The following LRRC4C variants were observed in gnomAD, a reference collection of about 807,000 sequenced individuals.
LRRC4C encodes the protein leucine-rich repeat-containing protein 4C.
LRRC4C carries 5 observed loss-of-function variants against 33.6 expected under a neutral mutation model. The observed-to-expected ratio is 0.15, with a 90% CI of 0.08 to 0.31. LRRC4C has a LOEUF of 0.31. LRRC4C is among the 10% of genes least tolerant of loss of function. The probability of loss-of-function intolerance (pLI) is 1.00; values close to 1 mark genes in which losing one functional copy is unlikely to be tolerated. For missense variants in LRRC4C, 560 were observed against 796.7 expected (o/e 0.70, Z 3.58); for synonymous variants, 329 against 302.0 (o/e 1.09, Z -0.93).
intron 1 of LRRC4C, among the ~76,000 whole-genome samples, chr11:40,938,099 C>T (rs542800619): frequency 6.6e-6 from 1 of 152,268 alleles, no homozygotes; most frequent in East Asian, 1.9e-4. Context: ...TGCTTGAAGT[C>T]ATTTAAAAAG....
At chr11:40,697,283 G>GC (rs748144993) in intron 2 of LRRC4C, among the ~76,000 whole-genome samples, 25 of 152,080 alleles carry the variant, frequency 1.6e-4, no homozygotes, top group Non-Finnish European at 2.9e-4. Context: ...TTCACCGAAA[G>GC]CCTCATGAAA....
chr11:40,751,297 G>A (rs1287180292), intron 2 of LRRC4C, among the ~76,000 whole-genome samples: 1 of 152,076 alleles, frequency 6.6e-6, no homozygotes, highest in Non-Finnish European at 1.5e-5. Flanking sequence ...GAAACAGAAA[G>A]CATCCAAATT....
intron 4 of LRRC4C, among the ~76,000 whole-genome samples, chr11:40,256,510 C>G (rs1867215131): frequency 6.6e-6 from 1 of 152,126 alleles, no homozygotes; most frequent in South Asian, 2.1e-4. Flanking sequence ...CAGTATGTAA[C>G]TGTGCCCAGA....
intron 3 of LRRC4C, among the ~76,000 whole-genome samples, chr11:40,639,606 A>G (rs1248959304): frequency 1.1e-4 from 17 of 152,216 alleles, no homozygotes; most frequent in Admixed American, 1.1e-3. Flanking sequence ...ACTCTCTGTA[A>G]TAGATGCATG....
At chr11:41,346,223 T>C (rs1021901140) in intron 1 of LRRC4C, among the ~76,000 whole-genome samples, 2 of 152,106 alleles carry the variant, frequency 1.3e-5, no homozygotes, top group Non-Finnish European at 2.9e-5. Context: ...ATATTTAAAG[T>C]GATGTAGAAG....
intron 2 of LRRC4C, among the ~76,000 whole-genome samples, chr11:40,911,005 G>T (rs944422660): frequency 6.6e-6 from 1 of 152,192 alleles, no homozygotes. Flanking sequence ...GGGGAGGGGC[G>T]CCTGCCATTG....
At chr11:41,450,296 T>G (rs1186892192) in intron 1 of LRRC4C, among the ~76,000 whole-genome samples, 5 of 152,136 alleles carry the variant, frequency 3.3e-5, no homozygotes, top group Non-Finnish European at 7.3e-5. Context: ...CTCTGTTTTC[T>G]AAGCTCTCTG....
intron 5 of LRRC4C, among the ~76,000 whole-genome samples, chr11:40,180,135 G>A (rs986491595): frequency 6.6e-5 from 10 of 152,262 alleles, no homozygotes; most frequent in Non-Finnish European, 1.5e-4. Context: ...AAGATCATTT[G>A]CATTTTAAAA....
chr11:40,215,337 C>A (rs1031465038), intron 5 of LRRC4C, among the ~76,000 whole-genome samples: 1 of 152,090 alleles, frequency 6.6e-6, no homozygotes, highest in Non-Finnish European at 1.5e-5. Context: ...GTTTCCTGAA[C>A]GCTGTTCAGT....
At chr11:40,903,199 T>C (rs1241224721) in intron 2 of LRRC4C, among the ~76,000 whole-genome samples, 1 of 152,178 alleles carries the variant, frequency 6.6e-6, no homozygotes, top group Non-Finnish European at 1.5e-5. Context: ...AGAATGATGC[T>C]AAATCTACTC....
intron 1 of LRRC4C, among the ~76,000 whole-genome samples, chr11:41,449,921 C>T (rs1322183257): frequency 6.6e-6 from 1 of 152,116 alleles, no homozygotes; most frequent in Non-Finnish European, 1.5e-5. Flanking sequence ...TATGAAACTA[C>T]CTGGCAAATT....
chr11:40,249,164 C>A (rs1866575073), intron 4 of LRRC4C, among the ~76,000 whole-genome samples: 1 of 151,976 alleles, frequency 6.6e-6, no homozygotes, highest in South Asian at 2.1e-4. Context: ...ATGGTGAAAC[C>A]CCATCTCTAC....
At chr11:40,800,402 T>C (rs1307487299) in intron 2 of LRRC4C, among the ~76,000 whole-genome samples, 1 of 152,192 alleles carries the variant, frequency 6.6e-6, no homozygotes, top group Non-Finnish European at 1.5e-5. Context: ...GATGATATAA[T>C]ACACTCTTCA....
chr11:40,787,313 A>T (rs1950452532), intron 2 of LRRC4C, among the ~76,000 whole-genome samples: 3 of 152,150 alleles, frequency 2.0e-5, no homozygotes, highest in South Asian at 4.1e-4. Context: ...AAGGGATCTG[A>T]CTAGTCTCAC....
intron 5 of LRRC4C, among the ~76,000 whole-genome samples, chr11:40,164,614 A>G (rs1253255397): frequency 6.6e-6 from 1 of 152,218 alleles, no homozygotes; most frequent in African/African-American, 2.4e-5. Flanking sequence ...AGAAAGACAA[A>G]TATTCCATGT....
At chr11:41,288,463 A>G (rs921952719) in intron 1 of LRRC4C, among the ~76,000 whole-genome samples, 2 of 152,206 alleles carry the variant, frequency 1.3e-5, no homozygotes, top group Non-Finnish European at 2.9e-5. Context: ...AGTTCAGCAG[A>G]GAGTGTCACT....
At chr11:40,457,646 G>T (rs1249234962) in intron 3 of LRRC4C, among the ~76,000 whole-genome samples, 1 of 152,046 alleles carries the variant, frequency 6.6e-6, no homozygotes, top group Non-Finnish European at 1.5e-5. Flanking sequence ...TTTAATAGCT[G>T]CCAGAGAATC....
intron 4 of LRRC4C, among the ~76,000 whole-genome samples, chr11:40,254,174 A>T (rs537927231): frequency 6.6e-6 from 1 of 152,324 alleles, no homozygotes; most frequent in Non-Finnish European, 1.5e-5. Context: ...AAAGCTCCAA[A>T]CTACCAGCAA....
chr11:40,900,648 G>A (rs1956159765), intron 2 of LRRC4C, among the ~76,000 whole-genome samples: 1 of 151,336 alleles, frequency 6.6e-6, no homozygotes, highest in Non-Finnish European at 1.5e-5. Context: ...AAATATTTTG[G>A]AAGAACTATA....
Sources: gnomAD v4.1 joint callset for allele counts (sites outside exome capture counted in the v4.1 genomes callset) on GRCh38, gnomAD v4.1.1 for gene constraint, MANE v1.5 for transcripts, NCBI Gene and HGNC (gene_info 2026-07-23, HGNC 2026-07-21) for gene names.